PCDH15: variants seen among roughly 807,000 people sequenced by gnomAD.
PCDH15 encodes protocadherin-15.
PCDH15 carries 129 observed loss-of-function variants against 178.5 expected under a neutral mutation model. The observed-to-expected ratio is 0.72, with a 90% CI of 0.63 to 0.84. PCDH15 has a LOEUF of 0.84. Among genes scored for constraint, PCDH15 ranks in the 40% least tolerant of loss-of-function variants. The pLI, the probability that PCDH15 is intolerant of heterozygous loss-of-function variation, is 0.00. For synonymous variants in PCDH15, 800 were observed against 732.0 expected, an observed-to-expected ratio of 1.09 and a Z score of -1.50; for missense variants, 2,230 against 2,099.9, an observed-to-expected ratio of 1.06 and a Z score of -1.21.
In PCDH15 at chr10:54,167,434, G is replaced by A. The variant is rs559481994; in HGVS notation, c.1591-14141C>T. On this transcript the variant is annotated intron_variant, in intron 13 of 37. Coordinates refer to ENST00000644397, the MANE Select transcript of PCDH15 (RefSeq NM_001384140.1). Reference sequence around the variant, plus strand: ...ATTTTATCCGTGGACCCAAAACTCCGGCGCCGGTCACGGACAGGGAAGGCA... The same window carrying A: ...ATTTTATCCGTGGACCCAAAACTCCAGCGCCGGTCACGGACAGGGAAGGCA... Among the ~76,000 whole-genome samples the A allele has an allele frequency of 1.3e-4, 20 of 152,136 alleles. No individual in the cohort carries two copies. The South Asian group carries it at 3.7e-3, about 28-fold the overall frequency.
chr10:54,268,312 A>C (rs546859367), intron 8 of PCDH15, among the ~76,000 whole-genome samples: 1 of 152,010 alleles, frequency 6.6e-6, no homozygotes, highest in Admixed American at 6.6e-5. Context: ...AAAACTTTAA[A>C]CTATAAGAAG....
chr10:55,563,249 C>G (rs1842235254), intron 2 of PCDH15, among the ~76,000 whole-genome samples: 1 of 151,840 alleles, frequency 6.6e-6, no homozygotes, highest in African/African-American at 2.4e-5. Context: ...AAGGTGACTT[C>G]CAGGAGATTT....
intron 25 of PCDH15, among the ~76,000 whole-genome samples, chr10:53,904,609 A>G (rs1336273005): frequency 1.3e-5 from 2 of 152,100 alleles, no homozygotes; most frequent in South Asian, 2.1e-4. Flanking sequence ...ATCAAGAGGA[A>G]AATCATGCTA....
chr10:55,582,633 T>TG (rs1842646294), intron 2 of PCDH15, among the ~76,000 whole-genome samples: 3 of 140,074 alleles, frequency 2.1e-5, no homozygotes, highest in Non-Finnish European at 4.6e-5. Context: ...TATATATTTT[T>TG]TTTTTTTTGC....
At position 54,639,633 on chromosome 10, in the gene PCDH15, G is replaced by A. The variant is rs562007056; in HGVS notation, c.91+24539C>T. ...ACTACAAAGATATTCAATACATTGA[G>A]TTGTTTATAATAGTGAATAAAGTAG... is the stretch of plus-strand genomic sequence containing the variant. On this transcript the variant is annotated intron_variant, in intron 2 of 37. Transcript: ENST00000644397. Among the ~76,000 whole-genome samples the A allele has an allele frequency of 8.5e-5, 13 of 152,256 alleles. No homozygotes were observed. In the South Asian group the frequency reaches 2.7e-3, roughly 32 times the overall value.
At chr10:55,350,300 C>A (rs539182953) in intron 2 of PCDH15, among the ~76,000 whole-genome samples, 177 of 139,990 alleles carry the variant, frequency 1.3e-3, no homozygotes, top group African/African-American at 3.9e-3. Context: ...CATACACACA[C>A]AAACATACAT....
chr10:54,489,289 T>C (rs939923643), intron 3 of PCDH15, among the ~76,000 whole-genome samples: 29 of 152,128 alleles, frequency 1.9e-4, no homozygotes, highest in Middle Eastern at 3.2e-3. Flanking sequence ...CTCTTGACAT[T>C]TTCTTCTCAA....
intron 3 of PCDH15, among the ~76,000 whole-genome samples, chr10:54,469,589 G>A (rs746798830): frequency 2.6e-5 from 4 of 152,142 alleles, no homozygotes; most frequent in Non-Finnish European, 4.4e-5. Flanking sequence ...CCCCATTGGC[G>A]GCAGTGCAGG....
chr10:54,315,868 T>G (rs942029853), intron 8 of PCDH15, among the ~76,000 whole-genome samples: 1 of 152,120 alleles, frequency 6.6e-6, no homozygotes, highest in South Asian at 2.1e-4. Context: ...ATGTTTGTCA[T>G]CATTACTTTT....
intron 2 of PCDH15, among the ~76,000 whole-genome samples, chr10:54,622,917 C>A (rs1416686567): frequency 6.7e-6 from 1 of 148,386 alleles, no homozygotes; most frequent in Admixed American, 7.0e-5. Flanking sequence ...AAAGCAGATT[C>A]TTTATTTTCA....
At chr10:54,731,563 T>TATATATATATATATATATATATACACAC in intron 1 of PCDH15, among the ~76,000 whole-genome samples, 6 of 49,922 alleles carry the variant, frequency 1.2e-4, no homozygotes, top group Non-Finnish European at 2.1e-4. Context: ...TATATATATA[T>TATATATATATATATATATATATACACAC]ACACACACAC....
intron 2 of PCDH15, among the ~76,000 whole-genome samples, chr10:55,402,161 T>C (rs1838086486): frequency 6.6e-6 from 1 of 152,084 alleles, no homozygotes; most frequent in Non-Finnish European, 1.5e-5. Context: ...AAGCCCATTT[T>C]GTTAGTCAAT....
chr10:54,907,207 A>T (rs1954739527), intron 2 of PCDH15, among the ~76,000 whole-genome samples: 1 of 152,252 alleles, frequency 6.6e-6, no homozygotes, highest in Admixed American at 6.5e-5. Context: ...ACAAGAAAGC[A>T]AAATTAATGA....
intron 2 of PCDH15, among the ~76,000 whole-genome samples, chr10:54,907,260 T>C (rs956993415): frequency 6.6e-6 from 1 of 152,210 alleles, no homozygotes; most frequent in African/African-American, 2.4e-5. Context: ...CCAGGTATGC[T>C]TCTAACAGAC....
chr10:54,239,552 G>A (rs911519681), intron 8 of PCDH15, among the ~76,000 whole-genome samples: 2 of 151,746 alleles, frequency 1.3e-5, no homozygotes, highest in Non-Finnish European at 2.9e-5. Flanking sequence ...GGGTAGATGG[G>A]ATAGAAAATA....
intron 2 of PCDH15, among the ~76,000 whole-genome samples, chr10:55,401,200 T>C (rs1477421982): frequency 6.6e-6 from 1 of 152,102 alleles, no homozygotes; most frequent in Non-Finnish European, 1.5e-5. Context: ...TGTGGATTCC[T>C]GTATAGCAAA....
chr10:54,949,115 C>T (rs887061570), intron 2 of PCDH15, among the ~76,000 whole-genome samples: 1 of 151,814 alleles, frequency 6.6e-6, no homozygotes, highest in African/African-American at 2.4e-5. Context: ...TTGATTTCAT[C>T]TAAAATGCAT....
intron 2 of PCDH15, among the ~76,000 whole-genome samples, chr10:54,658,407 T>C (rs2094442564): frequency 6.6e-6 from 1 of 152,114 alleles, no homozygotes; most frequent in African/African-American, 2.4e-5. Flanking sequence ...TAAAATGTAG[T>C]CCCATTAGAC....
chr10:54,296,350 G>T (rs1238665634), intron 8 of PCDH15, among the ~76,000 whole-genome samples: 2 of 151,906 alleles, frequency 1.3e-5, no homozygotes, highest in African/African-American at 2.4e-5. Context: ...CAGCTCCAGG[G>T]TCCCAACAAC....
Sources: gnomAD v4.1 joint callset for allele counts (sites outside exome capture counted in the v4.1 genomes callset) on GRCh38, gnomAD v4.1.1 for gene constraint, MANE v1.5 for transcripts, NCBI Gene and HGNC (gene_info 2026-07-23, HGNC 2026-07-21) for gene names.